ATG14: variants seen among roughly 807,000 people sequenced by gnomAD.
ATG14 encodes the protein autophagy related 14, also known as beclin 1-associated autophagy-related key regulator.
Under a neutral mutation model 60.4 loss-of-function variants are expected in ATG14, and 35 were observed. That is an observed-to-expected ratio of 0.58 (90% CI 0.44 to 0.77). ATG14 has a LOEUF of 0.77. ATG14 is among the 30% of genes least tolerant of loss of function. The probability of loss-of-function intolerance (pLI) is 0.00; values close to 1 mark genes in which losing one functional copy is unlikely to be tolerated. For synonymous variants in ATG14, 234 were observed against 228.8 expected (o/e 1.02, Z -0.21); for missense variants, 647 against 626.3 (o/e 1.03, Z -0.35).
At chr14:55,375,499 T>A (rs1472480734) in intron 9 of ATG14, among the ~76,000 whole-genome samples, 4 of 134,736 alleles carry the variant, frequency 3.0e-5, no homozygotes, top group Non-Finnish European at 6.1e-5. Context: ...AATTTTTTTT[T>A]TTTTTTTTTT....
intron 3 of ATG14, among the ~76,000 whole-genome samples, chr14:55,393,085 T>C (rs566784502): frequency 1.3e-5 from 2 of 152,136 alleles, no homozygotes; most frequent in African/African-American, 4.8e-5. Flanking sequence ...AAATTTTAAG[T>C]ATAATGAAAT....
intron 3 of ATG14, among the ~76,000 whole-genome samples, chr14:55,393,548 AT>A (rs776111828): frequency 3.9e-3 from 560 of 142,552 alleles, no homozygotes; most frequent in Middle Eastern, 7.1e-3. Context: ...ATCTTTTCAG[AT>A]TTTTTTTTTT....
In ATG14 at chr14:55,404,557, C is replaced by T. The variant is rs537056729; in HGVS notation, c.221+7045G>A. ...TATGTCTTTTGGTGTTCAAAAGAGA[C>T]GAGATTATGAAAACTCTTTTGCATT... is the stretch of plus-strand genomic sequence containing the variant. On this transcript the variant is annotated intron_variant, in intron 1 of 9. Transcript: ENST00000247178. 2.8e-3 allele frequency among the ~76,000 whole-genome samples: 426 copies of T among 152,164 alleles called. 1 individual carries two copies. Among genetic ancestry groups the T allele is most frequent in the Non-Finnish European group, 4.5e-3 (303 of 68,006 alleles).
In ATG14 at chr14:55,369,298, G is replaced by A. The variant is rs1407076945; in HGVS notation, c.*321C>T. ...ACTGACCCATATCTGTGGGCCCGGT[G>A]GCCCGGGCCCAGAGGGAACCCAAAT... On this transcript the variant is annotated 3_prime_UTR_variant, in exon 10 of 10. Coordinates refer to ENST00000247178, the MANE Select transcript of ATG14 (RefSeq NM_014924.5). 3.0e-5 allele frequency: 6 copies of A among 201,546 alleles called. No homozygotes were observed. Among genetic ancestry groups the A allele is most frequent in the Non-Finnish European group, 5.0e-5 (5 of 100,798 alleles). The allele number at this position is 201,546 out of a possible 1,614,324, so 12.5% of individuals were successfully genotyped here.
At chr14:55,382,929 A>T (rs1885060163) in intron 5 of ATG14, among the ~76,000 whole-genome samples, 1 of 152,272 alleles carries the variant, frequency 6.6e-6, no homozygotes, top group Non-Finnish European at 1.5e-5. Context: ...CAATAAACCT[A>T]TTATACATTT....
At chr14:55,376,514 C>T (rs916952193) in intron 9 of ATG14, among the ~76,000 whole-genome samples, 1 of 152,132 alleles carries the variant, frequency 6.6e-6, no homozygotes, top group South Asian at 2.1e-4. Flanking sequence ...GGCGAGTTCA[C>T]AGCTTTTTAT....
rs1040547002 is a variant in ATG14 at position 55,379,839 on chromosome 14, C to T, written c.995+734G>A. On this transcript the variant is annotated intron_variant, in intron 7 of 9. Coordinates refer to ENST00000247178, the MANE Select transcript of ATG14 (RefSeq NM_014924.5). ...CCGGATTCAAGCGATTCTTCTGCCT[C>T]AGCCTCCAAATAGCTGGGATACAGG... Among the ~76,000 whole-genome samples the T allele has an allele frequency of 2.6e-5, 4 of 152,226 alleles. No individual in the cohort carries two copies. The South Asian group carries it at 8.3e-4, about 32-fold the overall frequency.
intron 6 of ATG14, among the ~76,000 whole-genome samples, chr14:55,381,316 G>A (rs1260377210): frequency 6.6e-6 from 1 of 152,068 alleles, no homozygotes; most frequent in Non-Finnish European, 1.5e-5. Context: ...AAACTGCAGG[G>A]GTTTTAAAGG....
chr14:55,400,468 C>T (rs1032305074), intron 1 of ATG14, among the ~76,000 whole-genome samples: 10 of 152,184 alleles, frequency 6.6e-5, no homozygotes, highest in Admixed American at 5.9e-4. Flanking sequence ...TGGATGGACA[C>T]CATATAATTT....
At chr14:55,390,846 A>ATTAATT (rs1191363601) in intron 4 of ATG14, 65 bp downstream of exon 4, 8 of 1,148,150 alleles carry the variant, frequency 7.0e-6, no homozygotes, top group Non-Finnish European at 8.9e-6. Context: ...CCTCTAGTTT[A>ATTAATT]TTAATCCCAT....
chr14:55,393,277 C>T (rs1283421498), intron 3 of ATG14, among the ~76,000 whole-genome samples: 6 of 151,548 alleles, frequency 4.0e-5, no homozygotes, highest in African/African-American at 1.5e-4. Context: ...CCCAGCTACT[C>T]GGGAGGCTGA....
chr14:55,408,467 A>G (rs972305453), intron 1 of ATG14, among the ~76,000 whole-genome samples: 16 of 152,000 alleles, frequency 1.1e-4, no homozygotes, highest in African/African-American at 3.9e-4. Flanking sequence ...CCCCTCAAAC[A>G]AACTTCCTCA....
rs1885292063 is a variant in ATG14, at chr14:55,395,199, G to A, written c.327+741C>T. On this transcript the variant is annotated intron_variant, in intron 3 of 9. Transcript: ENST00000247178. The stretch of plus-strand genomic sequence containing the variant: ...TCTCCTCTTGGGCTCTTCCTCTGTG[G>A]CCCATTCAGTGGAGCTGACCTTCCT... 4 of 415,990 alleles carry A rather than the reference G, an allele frequency of 9.6e-6. No homozygotes were observed. In the Admixed American group the frequency reaches 1.1e-4, roughly 12 times the overall value. The allele number at this position is 415,990 out of a possible 1,614,324, so 25.8% of individuals were successfully genotyped here.
At chr14:55,376,933 G>A (rs779813028) in intron 9 of ATG14, among the ~76,000 whole-genome samples, 1 of 152,134 alleles carries the variant, frequency 6.6e-6, no homozygotes, top group African/African-American at 2.4e-5. Flanking sequence ...TCACACACCA[G>A]CCCTGGTTGG....
At chr14:55,406,400 G>A (rs1051039165) in intron 1 of ATG14, among the ~76,000 whole-genome samples, 1 of 152,232 alleles carries the variant, frequency 6.6e-6, no homozygotes, top group African/African-American at 2.4e-5. Context: ...TACAGTTAGT[G>A]AGGGGCTTTT....
chr14:55,404,464 T>A (rs562292058), intron 1 of ATG14, among the ~76,000 whole-genome samples: 1 of 152,346 alleles, frequency 6.6e-6, no homozygotes, highest in South Asian at 2.1e-4. Context: ...TTCAGTACCT[T>A]CCCTAGCAAC....
At chr14:55,403,880 T>C (rs1229639562) in intron 1 of ATG14, among the ~76,000 whole-genome samples, 1 of 152,218 alleles carries the variant, frequency 6.6e-6, no homozygotes, top group Non-Finnish European at 1.5e-5. Context: ...ATTTACAACA[T>C]TTAGCTCTCT....
intron 9 of ATG14, among the ~76,000 whole-genome samples, chr14:55,375,099 GT>G (rs1884892792): frequency 6.6e-6 from 1 of 152,180 alleles, no homozygotes; most frequent in Non-Finnish European, 1.5e-5. Flanking sequence ...TTCCCTGCCT[GT>G]GGCTTTCTTT....
chr14:55,371,282 T>A (rs1183910274), intron 9 of ATG14, among the ~76,000 whole-genome samples: 3 of 152,220 alleles, frequency 2.0e-5, no homozygotes, highest in Non-Finnish European at 2.9e-5. Flanking sequence ...TTCACAATGA[T>A]GAATGGCTAG....
Sources: gnomAD v4.1 joint callset for allele counts (sites outside exome capture counted in the v4.1 genomes callset) on GRCh38, gnomAD v4.1.1 for gene constraint, MANE v1.5 for transcripts, NCBI Gene and HGNC (gene_info 2026-07-23, HGNC 2026-07-21) for gene names.